TPRG1: variants seen among roughly 807,000 people sequenced by gnomAD.
TPRG1 encodes the protein tumor protein p63-regulated gene 1 protein.
A neutral mutation model predicts 29.3 loss-of-function variants in TPRG1; 29 were observed. The observed-to-expected ratio is 0.99, with a 90% confidence interval of 0.74 to 1.35. TPRG1 has a LOEUF of 1.35. TPRG1 is among the 40% of genes most tolerant of loss of function. The probability of loss-of-function intolerance (pLI) is 0.00; values close to 1 mark genes in which losing one functional copy is unlikely to be tolerated. For missense variants in TPRG1, 327 were observed against 335.0 expected, an observed-to-expected ratio of 0.98 and a Z score of 0.19; for synonymous variants, 130 against 116.8, an observed-to-expected ratio of 1.11 and a Z score of -0.73.
chr3:189,217,027 T>A (rs1007251894), intron 3 of TPRG1, among the ~76,000 whole-genome samples: 12 of 152,256 alleles, frequency 7.9e-5, no homozygotes, highest in African/African-American at 2.9e-4. Flanking sequence ...ATAGAACTGG[T>A]AATTTCTTTA....
At chr3:189,140,426 G>C (rs1403017108) in intron 3 of TPRG1, among the ~76,000 whole-genome samples, 1 of 151,986 alleles carries the variant, frequency 6.6e-6, no homozygotes, top group Non-Finnish European at 1.5e-5. Context: ...CATTATAGGG[G>C]ATTAAATCCC....
At chr3:189,078,293 A>G (rs139957275) in intron 4 of TPRG1, among the ~76,000 whole-genome samples, 176 of 151,784 alleles carry the variant, frequency 1.2e-3, no homozygotes, top group African/African-American at 4.1e-3. Context: ...GTGTGCCACC[A>G]TGCTTGGCTA....
intron 3 of TPRG1, among the ~76,000 whole-genome samples, chr3:189,144,160 T>A (rs1322892126): frequency 6.6e-6 from 1 of 152,194 alleles, no homozygotes; most frequent in African/African-American, 2.4e-5. Flanking sequence ...TAACAAATAC[T>A]TCTTGAGCCC....
intron 4 of TPRG1, among the ~76,000 whole-genome samples, chr3:189,247,884 T>A (rs947787750): frequency 1.3e-5 from 2 of 151,958 alleles, no homozygotes; most frequent in Non-Finnish European, 2.9e-5. Flanking sequence ...AATATACTAT[T>A]GAATATTAAT....
chr3:189,017,420 C>T (rs1425776817), intron 3 of TPRG1, among the ~76,000 whole-genome samples: 2 of 152,018 alleles, frequency 1.3e-5, no homozygotes, highest in Non-Finnish European at 2.9e-5. Flanking sequence ...TGATGTTCCC[C>T]TTCCTGTGTC....
At chr3:189,193,389 G>A (rs1732014487) in intron 1 of TPRG1, among the ~76,000 whole-genome samples, 1 of 152,090 alleles carries the variant, frequency 6.6e-6, no homozygotes, top group Non-Finnish European at 1.5e-5. Context: ...GTGCTTCACA[G>A]AGAAACTTTT....
At chr3:189,220,871 CTT>C (rs972900222) in intron 3 of TPRG1, among the ~76,000 whole-genome samples, 59 of 152,284 alleles carry the variant, frequency 3.9e-4, no homozygotes, top group African/African-American at 1.4e-3. Context: ...GATTCTATCT[CTT>C]TGCTATTGTG....
intron 2 of TPRG1, among the ~76,000 whole-genome samples, chr3:189,129,138 T>A (rs562610703): frequency 1.3e-5 from 2 of 152,218 alleles, no homozygotes; most frequent in Admixed American, 6.5e-5. Flanking sequence ...TTTTCACAAA[T>A]GTCCTTTCTT....
chr3:189,076,923 C>CAT (rs150949911), intron 4 of TPRG1, among the ~76,000 whole-genome samples: 10,088 of 140,430 alleles, frequency 0.072, 501 homozygotes, highest in African/African-American at 0.17. Context: ...TATATGTGTA[C>CAT]ATATATATAT....
At chr3:189,109,247 G>A (rs752734115) in intron 1 of TPRG1, among the ~76,000 whole-genome samples, 34 of 152,266 alleles carry the variant, frequency 2.2e-4, no homozygotes, top group Non-Finnish European at 4.6e-4. Context: ...TTGCTTTACA[G>A]CAGTGCTGAT....
chr3:189,297,701 A>T (rs1720185846), intron 4 of TPRG1, among the ~76,000 whole-genome samples: 1 of 152,156 alleles, frequency 6.6e-6, no homozygotes, highest in Admixed American at 6.5e-5. Context: ...TTTTTACCTG[A>T]TGGCCCTACC....
intron 4 of TPRG1, among the ~76,000 whole-genome samples, chr3:189,251,190 G>A (rs1334136942): frequency 1.3e-5 from 2 of 151,806 alleles, no homozygotes; most frequent in African/African-American, 4.8e-5. Context: ...TGCTTAAGAG[G>A]CCGAGAAGAG....
chr3:189,250,958 C>T (rs144220611), intron 4 of TPRG1, among the ~76,000 whole-genome samples: 26 of 151,996 alleles, frequency 1.7e-4, no homozygotes, highest in Admixed American at 1.2e-3. Context: ...AGCTATTGAT[C>T]GCGGGCCTTA....
intron 3 of TPRG1, among the ~76,000 whole-genome samples, chr3:189,144,790 C>T (rs764831804): frequency 7.2e-5 from 11 of 152,166 alleles, no homozygotes; most frequent in South Asian, 2.1e-4. Context: ...TTTCTTATTA[C>T]GCCACACAAC....
At chr3:189,291,180 G>T (rs7622518) in intron 4 of TPRG1, among the ~76,000 whole-genome samples, 2 of 151,764 alleles carry the variant, frequency 1.3e-5, no homozygotes, top group Admixed American at 6.6e-5. Flanking sequence ...AGATTACAGG[G>T]GTGAGCCACC....
intron 4 of TPRG1, among the ~76,000 whole-genome samples, chr3:189,048,942 G>A (rs1051602371): frequency 6.6e-6 from 1 of 152,158 alleles, no homozygotes; most frequent in South Asian, 2.1e-4. Context: ...AAGTTAGAGA[G>A]CTGAGCGAAA....
At chr3:189,045,238 A>G (rs1714902035) in intron 4 of TPRG1, among the ~76,000 whole-genome samples, 1 of 152,242 alleles carries the variant, frequency 6.6e-6, no homozygotes, top group Non-Finnish European at 1.5e-5. Flanking sequence ...CGAAATGATG[A>G]CAGGCTAATT....
At chr3:189,226,078 C>G (rs1285012367) in intron 3 of TPRG1, among the ~76,000 whole-genome samples, 1 of 152,224 alleles carries the variant, frequency 6.6e-6, no homozygotes, top group Admixed American at 6.5e-5. Context: ...ACAGTCTTCT[C>G]TCAGTAATTG....
chr3:189,235,233 T>TTTTC (rs1203065294), intron 3 of TPRG1, among the ~76,000 whole-genome samples: 2 of 150,950 alleles, frequency 1.3e-5, no homozygotes, highest in African/African-American at 4.9e-5. Flanking sequence ...TTTTTTTTTT[T>TTTTC]TCCAAAGGAT....
Sources: gnomAD v4.1 joint callset for allele counts (sites outside exome capture counted in the v4.1 genomes callset) on GRCh38, gnomAD v4.1.1 for gene constraint, MANE v1.5 for transcripts, NCBI Gene and HGNC (gene_info 2026-07-23, HGNC 2026-07-21) for gene names.